Variants in CDH18 observed in about 807,000 individuals in gnomAD.
The protein encoded by CDH18 is cadherin 18.
Under a neutral mutation model 67.9 loss-of-function variants are expected in CDH18, and 31 were observed. The observed-to-expected ratio is 0.46, with a 90% CI of 0.34 to 0.62. CDH18 has a LOEUF of 0.62. CDH18 is among the 20% of genes least tolerant of loss of function. CDH18 has a pLI of 0.01. For missense variants in CDH18, 890 were observed against 975.5 expected (o/e 0.91, Z 1.17); for synonymous variants, 362 against 347.2 (o/e 1.04, Z -0.48).
intron 1 of CDH18, among the ~76,000 whole-genome samples, chr5:19,981,797 T>C (rs935704163): frequency 1.3e-5 from 2 of 152,200 alleles, no homozygotes; most frequent in Admixed American, 6.5e-5. Flanking sequence ...CCCTGGAATA[T>C]GGTTCCTGAG....
intron 1 of CDH18, among the ~76,000 whole-genome samples, chr5:20,265,314 C>A (rs958416405): frequency 8.6e-5 from 13 of 151,294 alleles, no homozygotes; most frequent in Non-Finnish European, 1.8e-4. Flanking sequence ...AGAAAAAGTC[C>A]AAAAAAAATT....
chr5:19,597,054 A>G (rs1034415490), intron 6 of CDH18, among the ~76,000 whole-genome samples: 5 of 152,240 alleles, frequency 3.3e-5, no homozygotes, highest in Non-Finnish European at 7.3e-5. Flanking sequence ...ACTAGGTTAC[A>G]AAAAGACTGT....
intron 9 of CDH18, among the ~76,000 whole-genome samples, chr5:19,542,386 A>AT (rs1750418432): frequency 6.6e-6 from 1 of 152,230 alleles, no homozygotes; most frequent in Non-Finnish European, 1.5e-5. Flanking sequence ...GTGGCTACAC[A>AT]TAAGAGTTAC....
intron 2 of CDH18, among the ~76,000 whole-genome samples, chr5:20,237,169 T>C (rs1742536939): frequency 6.6e-6 from 1 of 151,874 alleles, no homozygotes; most frequent in African/African-American, 2.4e-5. Flanking sequence ...AGAAGAGAAC[T>C]ACAGCAAACT....
intron 3 of CDH18, among the ~76,000 whole-genome samples, chr5:19,801,567 C>A (rs1438144719): frequency 3.3e-5 from 5 of 152,142 alleles, no homozygotes; most frequent in Admixed American, 3.3e-4. Context: ...TTTTTAAAAT[C>A]TCTTGATGTG....
At chr5:19,959,239 G>A (rs946115445) in intron 2 of CDH18, among the ~76,000 whole-genome samples, 2 of 151,892 alleles carry the variant, frequency 1.3e-5, no homozygotes, top group African/African-American at 4.8e-5. Flanking sequence ...ATCTTCATTA[G>A]CTTGTGTGTG....
At chr5:19,723,205 G>C (rs1766340808) in intron 4 of CDH18, among the ~76,000 whole-genome samples, 1 of 152,024 alleles carries the variant, frequency 6.6e-6, no homozygotes, top group Non-Finnish European at 1.5e-5. Flanking sequence ...GGAGGTGGAG[G>C]CTGCAGTGAG....
intron 2 of CDH18, among the ~76,000 whole-genome samples, chr5:20,231,870 TC>T (rs1561896963): frequency 6.6e-6 from 1 of 152,086 alleles, no homozygotes; most frequent in East Asian, 1.9e-4. Context: ...TACATGAATG[TC>T]TGTACTATAA....
At chr5:19,515,781 T>A (rs1207452139) in intron 10 of CDH18, among the ~76,000 whole-genome samples, 2 of 152,180 alleles carry the variant, frequency 1.3e-5, no homozygotes, top group African/African-American at 4.8e-5. Context: ...AAATATACAA[T>A]CATGTCATCT....
rs1476428433 is a variant in CDH18 at position 19,571,676 on chromosome 5, G to T, written c.1156C>A (p.Pro386Thr). The T allele has an allele frequency of 6.2e-7, 1 of 1,613,552 alleles. No homozygotes were observed. Among genetic ancestry groups the T allele is most frequent in the South Asian group, 1.1e-5 (1 of 91,056 alleles). ...TCGTAGACTTCCATGAGGTAGGAAG[G>T]CATGGAAAATAGTGGTGGTTCATCT... ...DVDEPPLFSM[P>T]SYLMEVYENA... is the part of the protein sequence containing the mutation. The change falls in exon 8 of 13, where the codon CCT (proline) becomes ACT (threonine). Residue 386 changes from proline (P) to threonine (T), a missense_variant. Pro to Thr is a conservative substitution (Grantham distance 38). Transcript: ENST00000382275.
intron 2 of CDH18, among the ~76,000 whole-genome samples, chr5:19,845,827 C>T (rs963349640): frequency 2.0e-5 from 3 of 148,858 alleles, no homozygotes; most frequent in Non-Finnish European, 3.0e-5. Flanking sequence ...CTTTCCTTTG[C>T]TCTCTTTCGC....
intron 6 of CDH18, among the ~76,000 whole-genome samples, chr5:19,592,463 G>C (rs1202356427): frequency 6.6e-6 from 1 of 151,896 alleles, no homozygotes; most frequent in East Asian, 1.9e-4. Context: ...CAGGAATCTT[G>C]AATTAAAATG....
intron 2 of CDH18, among the ~76,000 whole-genome samples, chr5:20,236,011 T>C (rs1047234157): frequency 6.6e-6 from 1 of 152,102 alleles, no homozygotes; most frequent in African/African-American, 2.4e-5. Flanking sequence ...TGTTCTCACT[T>C]ACAACTGAAA....
intron 2 of CDH18, among the ~76,000 whole-genome samples, chr5:19,968,146 A>G (rs1436051757): frequency 6.6e-6 from 1 of 152,050 alleles, no homozygotes; most frequent in Non-Finnish European, 1.5e-5. Flanking sequence ...GACGTGAAGG[A>G]CCTCTTCAAG....
chr5:20,091,224 G>A (rs1165549530), intron 2 of CDH18, among the ~76,000 whole-genome samples: 1 of 152,068 alleles, frequency 6.6e-6, no homozygotes, highest in Non-Finnish European at 1.5e-5. Context: ...AGTGGCTCAT[G>A]CCTGTAATCC....
intron 1 of CDH18, among the ~76,000 whole-genome samples, chr5:20,265,496 G>A (rs904090021): frequency 1.3e-5 from 2 of 151,868 alleles, no homozygotes; most frequent in Non-Finnish European, 2.9e-5. Context: ...ATTTCTGAAT[G>A]CCCAGGAATA....
chr5:19,617,509 T>C (rs1750029157), intron 5 of CDH18, among the ~76,000 whole-genome samples: 1 of 152,236 alleles, frequency 6.6e-6, no homozygotes, highest in African/African-American at 2.4e-5. Context: ...CATAAATTAC[T>C]GCATTGTGCA....
chr5:20,441,791 A>C (rs1249740877), intron 1 of CDH18, among the ~76,000 whole-genome samples: 3 of 151,838 alleles, frequency 2.0e-5, no homozygotes, highest in Non-Finnish European at 2.9e-5. Flanking sequence ...TAGATCAATA[A>C]AAAAATCCAG....
At chr5:20,088,888 C>T (rs1425923983) in intron 2 of CDH18, among the ~76,000 whole-genome samples, 1 of 152,086 alleles carries the variant, frequency 6.6e-6, no homozygotes. Flanking sequence ...GACTCACTAC[C>T]CTTCATTCTC....
Sources: gnomAD v4.1 joint callset for allele counts (sites outside exome capture counted in the v4.1 genomes callset) on GRCh38, gnomAD v4.1.1 for gene constraint, MANE v1.5 for transcripts, NCBI Gene and HGNC (gene_info 2026-07-23, HGNC 2026-07-21) for gene names.